The following SLC26A5 variants were observed in gnomAD, a reference collection of about 807,000 sequenced individuals.
The protein encoded by SLC26A5 is prestin.
In SLC26A5, 51 loss-of-function variants were observed where a neutral mutation model predicts 81.0. The ratio of observed to expected loss-of-function variants is 0.63; its 90% CI spans 0.50 to 0.80. The LOEUF (loss-of-function observed/expected upper bound fraction) is 0.80. Ranked by LOEUF, SLC26A5 falls within the 30% of genes least tolerant of loss-of-function variation. SLC26A5 has a pLI of 0.00. For missense variants in SLC26A5, 771 were observed against 905.8 expected (o/e 0.85, Z 1.91); for synonymous variants, 325 against 332.8 (o/e 0.98, Z 0.25).
intron 10 of SLC26A5, among the ~76,000 whole-genome samples, chr7:103,392,461 C>G (rs2116488892): frequency 6.6e-6 from 1 of 152,338 alleles, no homozygotes; most frequent in South Asian, 2.1e-4. Context: ...GCTTTAAAAA[C>G]AGGAGTAACA....
chr7:103,392,678 T>G (rs778629768), intron 10 of SLC26A5, among the ~76,000 whole-genome samples: 1 of 152,122 alleles, frequency 6.6e-6, no homozygotes, highest in Non-Finnish European at 1.5e-5. Context: ...CCTGGGTTCA[T>G]GCCATTCTCC....
Position 103,353,700 on chromosome 7 carries a change from G to A in SLC26A5, c.2042-774C>T, listed in dbSNP as rs77760093. On this transcript the variant is annotated intron_variant, in intron 19 of 19. Coordinates refer to the SLC26A5 transcript ENST00000339444. ...TGTACTATATAAAATAGGTCATCAC[G>A]TATATTATGTACTTTTAAAAACCTA... 3.8e-3 allele frequency among the ~76,000 whole-genome samples: 574 copies of A among 152,326 alleles called. 4 individuals carry two copies. The highest frequency in any genetic ancestry group is 0.014 in the African/African-American group (563 of 41,578).
intron 19 of SLC26A5, among the ~76,000 whole-genome samples, chr7:103,353,504 G>T (rs768571447): frequency 6.6e-6 from 1 of 152,014 alleles, no homozygotes; most frequent in Non-Finnish European, 1.5e-5. Flanking sequence ...ACGGGGTTTC[G>T]CCAGGTTGGC....
At chr7:103,363,557 TGA>T in intron 19 of SLC26A5, 2 of 890,244 alleles carry the variant, frequency 2.2e-6, no homozygotes, top group Non-Finnish European at 3.5e-6. Context: ...GAGAGTTTTT[TGA>T]GAGGGTGGAG....
chr7:103,397,794 C>T (rs1042014599), intron 9 of SLC26A5, 138 bp downstream of exon 9: 1 of 666,900 alleles, frequency 1.5e-6, no homozygotes, highest in Non-Finnish European at 2.7e-6. Flanking sequence ...AAAATGCACC[C>T]AATCCCCCTA....
chr7:103,379,483 CAAAA>C (rs375313152), intron 15 of SLC26A5, 148 bp from the exon 16 acceptor site: 265 of 296,874 alleles, frequency 8.9e-4, no homozygotes, highest in South Asian at 1.6e-3. Context: ...ACACACAGAC[CAAAA>C]AAAAAAAAAA....
At chr7:103,402,165 A>G (rs1823645865) in intron 8 of SLC26A5, among the ~76,000 whole-genome samples, 1 of 152,158 alleles carries the variant, frequency 6.6e-6, no homozygotes, top group South Asian at 2.1e-4. Flanking sequence ...CTCTGGTAGA[A>G]TTCGGCTGTG....
intron 19 of SLC26A5, among the ~76,000 whole-genome samples, chr7:103,356,864 T>C (rs988487561): frequency 2.2e-4 from 34 of 152,192 alleles, no homozygotes; most frequent in Non-Finnish European, 4.9e-4. Context: ...ATAAACATAT[T>C]CTCCTCTGTT....
chr7:103,429,173 T>C (rs996798393), intron 2 of SLC26A5, among the ~76,000 whole-genome samples: 1 of 152,228 alleles, frequency 6.6e-6, no homozygotes, highest in African/African-American at 2.4e-5. Flanking sequence ...CTAAGAGCCA[T>C]CATCAGTAAA....
chr7:103,358,989 T>C (rs1284133876), intron 19 of SLC26A5, among the ~76,000 whole-genome samples: 1 of 150,530 alleles, frequency 6.6e-6, no homozygotes, highest in African/African-American at 2.4e-5. Flanking sequence ...CTTGTGAATT[T>C]TTTTTTTTTT....
At chr7:103,369,508 G>A (rs541022831), downstream of SLC26A5, 4 of 152,280 alleles carry the variant, frequency 2.6e-5, no homozygotes, top group South Asian at 4.1e-4. Flanking sequence ...AGTGACTATC[G>A]TGATAATTTA....
chr7:103,445,947 G>A (rs954002574), intron 1 of SLC26A5, 151 bp downstream of exon 1: 2 of 150,628 alleles, frequency 1.3e-5, no homozygotes, highest in East Asian at 3.9e-4. Flanking sequence ...TCACCGGTTC[G>A]TTTAGGGAAA....
At chr7:103,434,627 C>T (rs952328392) in intron 2 of SLC26A5, among the ~76,000 whole-genome samples, 1 of 149,826 alleles carries the variant, frequency 6.7e-6, no homozygotes, top group African/African-American at 2.5e-5. Context: ...TTTGGTTGTG[C>T]ATTCCAAGAG....
At chr7:103,380,962 GCATA>G (rs1014736776) in intron 14 of SLC26A5, among the ~76,000 whole-genome samples, 3 of 149,588 alleles carry the variant, frequency 2.0e-5, no homozygotes, top group African/African-American at 7.4e-5. Context: ...ATACACACAT[GCATA>G]CATACCACAT....
chr7:103,353,598 C>T (rs779029773), intron 19 of SLC26A5, among the ~76,000 whole-genome samples: 2 of 152,182 alleles, frequency 1.3e-5, no homozygotes, highest in African/African-American at 4.8e-5. Flanking sequence ...GGAGCCACCG[C>T]ACGGGGCCTG....
At chr7:103,395,591 T>G (rs1823046708) in intron 9 of SLC26A5, among the ~76,000 whole-genome samples, 1 of 149,682 alleles carries the variant, frequency 6.7e-6, no homozygotes, top group Non-Finnish European at 1.5e-5. Context: ...TGGCGTGATC[T>G]TGACTCACTG....
At chr7:103,399,900 T>C (rs1162454892) in intron 8 of SLC26A5, among the ~76,000 whole-genome samples, 1 of 152,222 alleles carries the variant, frequency 6.6e-6, no homozygotes, top group Non-Finnish European at 1.5e-5. Context: ...GGACATGAAC[T>C]CATCCTTTTT....
At chr7:103,410,597 A>C (rs370871305) in intron 6 of SLC26A5, 48 bp from the exon 7 acceptor site, 1 of 1,522,324 alleles carries the variant, frequency 6.6e-7, no homozygotes, top group Non-Finnish European at 9.0e-7. Flanking sequence ...ATGATAGGTC[A>C]GGAAGTTATG....
intron 2 of SLC26A5, among the ~76,000 whole-genome samples, chr7:103,424,331 T>C (rs945627480): frequency 6.6e-6 from 1 of 152,338 alleles, no homozygotes; most frequent in South Asian, 2.1e-4. Flanking sequence ...AATAGAATCA[T>C]TGATCTCCTC....
Sources: gnomAD v4.1 joint callset for allele counts (sites outside exome capture counted in the v4.1 genomes callset) on GRCh38, gnomAD v4.1.1 for gene constraint, MANE v1.5 for transcripts, NCBI Gene and HGNC (gene_info 2026-07-23, HGNC 2026-07-21) for gene names.